FBXO33: variants seen among roughly 807,000 people sequenced by gnomAD.
The protein encoded by FBXO33 is F-box only protein 33.
Under a neutral mutation model 46.3 loss-of-function variants are expected in FBXO33, and 22 were observed. The ratio of observed to expected loss-of-function variants is 0.48; its 90% confidence interval spans 0.34 to 0.68. The LOEUF is 0.68. FBXO33 is among the 30% of genes least tolerant of loss of function. The pLI, the probability that FBXO33 is intolerant of heterozygous loss-of-function variation, is 0.01. For missense variants in FBXO33, 692 were observed against 708.8 expected (o/e 0.98, Z 0.27); for synonymous variants, 337 against 291.3 (o/e 1.16, Z -1.60).
intron 1 of FBXO33, among the ~76,000 whole-genome samples, chr14:39,430,429 G>T (rs2075537655): frequency 6.6e-6 from 1 of 152,076 alleles, no homozygotes; most frequent in South Asian, 2.1e-4. Context: ...ACCAGGGACT[G>T]CTCTCAACCT....
intron 1 of FBXO33, among the ~76,000 whole-genome samples, chr14:39,426,407 TC>T (rs2075514810): frequency 6.6e-6 from 1 of 152,176 alleles, no homozygotes; most frequent in Non-Finnish European, 1.5e-5. Context: ...TCCCAACTTG[TC>T]CCCCTACTTT....
At chr14:39,409,432 G>C (rs1366765141) in intron 1 of FBXO33, among the ~76,000 whole-genome samples, 1 of 152,014 alleles carries the variant, frequency 6.6e-6, no homozygotes, top group African/African-American at 2.4e-5. Context: ...CTGCTCCACT[G>C]GTCTATACAT....
At chr14:39,407,324 A>G (rs189575140) in intron 1 of FBXO33, among the ~76,000 whole-genome samples, 1 of 152,360 alleles carries the variant, frequency 6.6e-6, no homozygotes, top group East Asian at 1.9e-4. Context: ...TACTGTTAAC[A>G]TGTCAATTCT....
rs990342522 is a variant in FBXO33, at chr14:39,398,384, G to GTGAT, written c.*1128_*1131dup. On this transcript the variant is annotated 3_prime_UTR_variant, in exon 4 of 4. Coordinates refer to ENST00000298097, the MANE Select transcript of FBXO33 (RefSeq NM_203301.4). ...TCATGTATCATAGCAGCTCATACCTGTGATAGAACAAGCTTTCAGTTTTTC... is the reference window on the plus strand; with the variant it reads ...TCATGTATCATAGCAGCTCATACCTGTGATTGATAGAACAAGCTTTCAGTTTTTC... The GTGAT allele has an allele frequency of 5.5e-4, 83 of 151,712 alleles. No individual in the cohort carries two copies. Among genetic ancestry groups the GTGAT allele is most frequent in the African/African-American group, 1.8e-3 (76 of 41,214 alleles). 9.4% of individuals were successfully genotyped at this position (151,712 alleles called of 1,614,324 possible). A position where few individuals can be genotyped will look rare whatever the true frequency, so the allele number is the denominator to read the frequency against.
At chr14:39,430,759 G>C (rs1295069591) in intron 1 of FBXO33, among the ~76,000 whole-genome samples, 1 of 152,142 alleles carries the variant, frequency 6.6e-6, no homozygotes, top group East Asian at 1.9e-4. Flanking sequence ...GGTTTTGGAG[G>C]TGGCGATGGA....
intron 1 of FBXO33, among the ~76,000 whole-genome samples, chr14:39,423,822 A>G (rs1452197454): frequency 6.6e-6 from 1 of 152,132 alleles, no homozygotes; most frequent in Non-Finnish European, 1.5e-5. Flanking sequence ...AAAAGTTAAA[A>G]TAACTTTTAT....
chr14:39,412,595 T>C (rs1460071563), intron 1 of FBXO33, among the ~76,000 whole-genome samples: 7 of 150,520 alleles, frequency 4.7e-5, no homozygotes, highest in African/African-American at 1.7e-4. Context: ...TGTTCGTAGT[T>C]TTTTTCATTC....
intron 1 of FBXO33, among the ~76,000 whole-genome samples, chr14:39,413,009 T>C (rs2075430944): frequency 6.6e-6 from 1 of 152,256 alleles, no homozygotes; most frequent in Non-Finnish European, 1.5e-5. Flanking sequence ...CTGGAGTGAC[T>C]GGCAATTTCT....
chr14:39,417,464 T>C (rs1427492952), intron 1 of FBXO33, among the ~76,000 whole-genome samples: 2 of 152,246 alleles, frequency 1.3e-5, no homozygotes, highest in Non-Finnish European at 2.9e-5. Context: ...CAGTTATGTA[T>C]GTGGCTGGGT....
chr14:39,430,083 C>T (rs974425937), intron 1 of FBXO33, among the ~76,000 whole-genome samples: 1 of 152,190 alleles, frequency 6.6e-6, no homozygotes, highest in South Asian at 2.1e-4. Flanking sequence ...ATTGAATTCA[C>T]CCTCAACCTT....
intron 1 of FBXO33, among the ~76,000 whole-genome samples, chr14:39,408,029 T>C (rs1282675196): frequency 6.6e-6 from 1 of 152,026 alleles, no homozygotes; most frequent in East Asian, 1.9e-4. Flanking sequence ...CAGCCTCAAC[T>C]TCCCAGGCTC....
intron 3 of FBXO33, among the ~76,000 whole-genome samples, chr14:39,400,757 T>C (rs757435815): frequency 6.6e-6 from 1 of 152,168 alleles, no homozygotes; most frequent in Non-Finnish European, 1.5e-5. Context: ...GTTAAAAAAA[T>C]TATATACATT....
chr14:39,410,906 T>C (rs931823124), intron 1 of FBXO33, among the ~76,000 whole-genome samples: 1 of 152,162 alleles, frequency 6.6e-6, no homozygotes, highest in Non-Finnish European at 1.5e-5. Flanking sequence ...TTTCTTACTC[T>C]AAAGGTTTGT....
intron 1 of FBXO33, among the ~76,000 whole-genome samples, chr14:39,419,873 T>C (rs922160910): frequency 2.0e-5 from 3 of 152,248 alleles, no homozygotes; most frequent in Non-Finnish European, 4.4e-5. Context: ...AGCTATTTAC[T>C]AGTCCCTATG....
Position 39,401,052 on chromosome 14 carries a change from G to A in FBXO33, c.1396+124C>T, listed in dbSNP as rs1240327061. The A allele has an allele frequency of 5.7e-5, 50 of 875,260 alleles. 1 individual carries two copies. The highest frequency in any genetic ancestry group is 1.7e-6 in the Non-Finnish European group (1 of 596,696). The allele number at this position is 875,260 out of a possible 1,614,324, so 54.2% of individuals were successfully genotyped here. On this transcript the variant is annotated intron_variant, in intron 3 of 3. Transcript: ENST00000298097. ...ATCTTGCAAACTTTAAAAAGCATAA[G>A]AATCTGTATATCAACTTGATACAAG... is the stretch of plus-strand genomic sequence containing the variant.
At chr14:39,418,775 AAAAAAAAAAAAAAAC>A (rs1193826424) in intron 1 of FBXO33, among the ~76,000 whole-genome samples, 1 of 127,818 alleles carries the variant, frequency 7.8e-6, no homozygotes, top group Non-Finnish European at 1.6e-5. Context: ...ACTCCGTCTC[AAAAAAAAAAAAAAAC>A]AAAAAAAAAA....
At chr14:39,406,091 T>C (rs954126282) in intron 1 of FBXO33, among the ~76,000 whole-genome samples, 2 of 151,934 alleles carry the variant, frequency 1.3e-5, no homozygotes, top group Admixed American at 1.3e-4. Flanking sequence ...TTTTAAGGTT[T>C]TTATCCTTTC....
intron 1 of FBXO33, among the ~76,000 whole-genome samples, chr14:39,409,440 C>T (rs1328906739): frequency 1.3e-5 from 2 of 152,160 alleles, no homozygotes; most frequent in Non-Finnish European, 2.9e-5. Flanking sequence ...CTGGTCTATA[C>T]ATCCATCTTT....
intron 1 of FBXO33, among the ~76,000 whole-genome samples, chr14:39,420,722 TAAAATCTTCA>T (rs2075479089): frequency 6.6e-6 from 1 of 151,812 alleles, no homozygotes; most frequent in South Asian, 2.1e-4. Flanking sequence ...GCAAATGTGG[TAAAATCTTCA>T]AAAATCTTCA....
Sources: allele counts gnomAD v4.1 joint callset (sites outside exome capture counted in the v4.1 genomes callset), GRCh38; gene constraint gnomAD v4.1.1; transcripts MANE v1.5; gene names NCBI Gene and HGNC (gene_info 2026-07-23, HGNC 2026-07-21).